Variants in PP2D1 observed in about 807,000 individuals in gnomAD.
PP2D1 encodes the protein protein phosphatase 2C like domain containing 1.
PP2D1 carries 25 observed loss-of-function variants against 30.2 expected under a neutral mutation model. That is an observed-to-expected ratio of 0.83 (90% CI 0.60 to 1.16). PP2D1 has a LOEUF of 1.16. PP2D1 is among the 50% of genes most tolerant of loss of function. The pLI is 0.00. For synonymous variants in PP2D1, 260 were observed against 258.9 expected (o/e 1.00, Z -0.04); for missense variants, 760 against 742.4 (o/e 1.02, Z -0.28).
chr3:19,999,507 G>T (rs984561671), intron 2 of PP2D1, among the ~76,000 whole-genome samples: 1 of 151,556 alleles, frequency 6.6e-6, no homozygotes, highest in Non-Finnish European at 1.5e-5. Flanking sequence ...TCAGCCTCCT[G>T]AGTAGCTGGG....
At position 20,001,865 on chromosome 3, in the gene PP2D1, A is replaced by G. The variant is rs576317025; in HGVS notation, c.255T>C (p.His85=). The G allele has an allele frequency of 2.6e-4, 393 of 1,536,206 alleles. 4 individuals carry two copies. In the South Asian group the frequency reaches 4.2e-3, roughly 16 times the overall value. Residue 85 remains histidine (H), a synonymous_variant, in exon 2 of 3, where the codon CAT becomes CAC. Transcript: ENST00000389050. ...GGAAACCCAGCGTGGCCAGAGCTAC[A>G]TGTTGCTTCTTATGGAGAAAAATAC... The part of the protein sequence containing the change: ...LTGIFLHKKQ[H]VALATLGFQW...
intron 1 of PP2D1, among the ~76,000 whole-genome samples, chr3:20,010,819 T>A (rs1697376304): frequency 6.6e-6 from 1 of 151,438 alleles, no homozygotes; most frequent in African/African-American, 2.4e-5. Context: ...AATGAATAAA[T>A]AAATAAATAT....
chr3:20,000,050 T>G (rs1323458577), intron 2 of PP2D1, among the ~76,000 whole-genome samples: 1 of 152,148 alleles, frequency 6.6e-6, no homozygotes, highest in Non-Finnish European at 1.5e-5. Flanking sequence ...TATCTGGCCT[T>G]GCAACACTGT....
downstream of PP2D1, chr3:19,984,166 C>CA (rs545893783): frequency 1.4e-3 from 454 of 325,512 alleles, 8 homozygotes; most frequent in South Asian, 7.0e-3. Context: ...GTACAGTAGT[C>CA]ACCTGTGAAA....
chr3:20,005,288 G>A (rs1287340467), intron 1 of PP2D1, among the ~76,000 whole-genome samples: 1 of 151,652 alleles, frequency 6.6e-6, no homozygotes, highest in Non-Finnish European at 1.5e-5. Flanking sequence ...AAGTAGCTGG[G>A]ATTACAGGCA....
downstream of PP2D1, chr3:19,985,338 A>T: frequency 7.7e-7 from 1 of 1,305,982 alleles, no homozygotes; most frequent in Non-Finnish European, 1.0e-6. Context: ...TTGAAGAATC[A>T]CTTTATATTT....
chr3:20,011,159 C>T (rs535930368), intron 1 of PP2D1, among the ~76,000 whole-genome samples: 1 of 152,066 alleles, frequency 6.6e-6, no homozygotes, highest in Non-Finnish European at 1.5e-5. Context: ...AGTTAGCCGG[C>T]AGAAGGAGCA....
At chr3:19,983,816 G>A (rs1696979690), downstream of PP2D1, 1 of 1,592,884 alleles carries the variant, frequency 6.3e-7, no homozygotes, top group African/African-American at 1.3e-5. Flanking sequence ...CAGTGTTGTA[G>A]TAACTAAACC....
chr3:20,009,729 A>G (rs536042574), intron 1 of PP2D1, among the ~76,000 whole-genome samples: 2 of 152,212 alleles, frequency 1.3e-5, no homozygotes, highest in Non-Finnish European at 1.5e-5. Flanking sequence ...ACCTTCATAC[A>G]TGATTTACAC....
At chr3:19,984,728 A>G (rs969958420), downstream of PP2D1, 1 of 153,766 alleles carries the variant, frequency 6.5e-6, no homozygotes, top group Admixed American at 6.5e-5. Context: ...AGGGTACTGC[A>G]TTGTAGTCTC....
At chr3:19,994,383 G>C (rs112304468) in intron 2 of PP2D1, among the ~76,000 whole-genome samples, 1 of 152,192 alleles carries the variant, frequency 6.6e-6, no homozygotes. Context: ...AAGCATCAGA[G>C]CACTTTGGGA....
chr3:19,993,892 C>T (rs1055958529), intron 2 of PP2D1, among the ~76,000 whole-genome samples: 2 of 152,020 alleles, frequency 1.3e-5, no homozygotes, highest in African/African-American at 4.8e-5. Flanking sequence ...GTGCCCACCC[C>T]CGGCTAATTT....
chr3:20,002,562 G>A (rs936139138), intron 1 of PP2D1, among the ~76,000 whole-genome samples: 8 of 152,176 alleles, frequency 5.3e-5, no homozygotes, highest in African/African-American at 1.9e-4. Context: ...AGTGCAACAT[G>A]TCACTTATGT....
At chr3:20,003,133 T>C (rs1309888855) in intron 1 of PP2D1, among the ~76,000 whole-genome samples, 1 of 152,094 alleles carries the variant, frequency 6.6e-6, no homozygotes, top group African/African-American at 2.4e-5. Flanking sequence ...ACTATGTGGC[T>C]GGCTTATGTG....
intron 2 of PP2D1, among the ~76,000 whole-genome samples, chr3:20,000,822 G>T (rs950158710): frequency 9.2e-5 from 14 of 152,074 alleles, no homozygotes; most frequent in Admixed American, 8.5e-4. Context: ...TCATATCTGT[G>T]CCTCTTTAAA....
rs188842668 is a variant in PP2D1, at chr3:20,012,017, C to T, written c.23+33G>A. ...TAGATATAATTACTCATTGGCTATA[C>T]GTATTATCCAAAAAAGATTTAAGAA... On this transcript the variant is annotated intron_variant, in intron 1 of 2. Transcript: ENST00000389050. 465 of 1,476,372 alleles carry T rather than the reference C, an allele frequency of 3.1e-4. No homozygotes were observed. The African/African-American group carries it at 5.4e-3, about 17-fold the overall frequency. 91.5% of individuals were successfully genotyped at this position (1,476,372 alleles called of 1,614,324 possible).
At chr3:19,990,746 G>C (rs1697108922) in intron 2 of PP2D1, among the ~76,000 whole-genome samples, 1 of 145,362 alleles carries the variant, frequency 6.9e-6, no homozygotes, top group African/African-American at 2.7e-5. Context: ...TGGGAAATTA[G>C]AGGAAGATTT....
chr3:20,012,018 G>C, intron 1 of PP2D1, 32 bp downstream of exon 1: 1 of 1,484,920 alleles, frequency 6.7e-7, no homozygotes, highest in Non-Finnish European at 9.1e-7. Flanking sequence ...TTGGCTATAC[G>C]TATTATCCAA....
downstream of PP2D1, chr3:19,984,837 A>G (rs1697002653): frequency 6.5e-6 from 1 of 153,070 alleles, no homozygotes; most frequent in Non-Finnish European, 1.5e-5. Flanking sequence ...TCCCCCTTTG[A>G]CAGGAAGGGG....
Sources: gnomAD v4.1 joint callset for allele counts (sites outside exome capture counted in the v4.1 genomes callset) on GRCh38, gnomAD v4.1.1 for gene constraint, MANE v1.5 for transcripts, NCBI Gene and HGNC (gene_info 2026-07-23, HGNC 2026-07-21) for gene names.